Variants in GLI3 observed in about 807,000 individuals in gnomAD.
GLI3 encodes the protein transcription activator GLI3.
In GLI3, 20 loss-of-function variants were observed where a neutral mutation model predicts 100.8. The ratio of observed to expected loss-of-function variants is 0.20; its 90% CI spans 0.14 to 0.29. The LOEUF (loss-of-function observed/expected upper bound fraction) is 0.29. GLI3 is among the 10% of genes least tolerant of loss of function. The pLI, the probability that GLI3 is intolerant of heterozygous loss-of-function variation, is 1.00. For synonymous variants in GLI3, 938 were observed against 860.5 expected (o/e 1.09, Z -1.58); for missense variants, 2,040 against 2,128.5 (o/e 0.96, Z 0.82).
chr7:42,071,040 A>T (rs1784774512), intron 4 of GLI3, among the ~76,000 whole-genome samples: 1 of 152,238 alleles, frequency 6.6e-6, no homozygotes, highest in South Asian at 2.1e-4. Flanking sequence ...AAACAAAAGA[A>T]AAATGATGGT....
intron 2 of GLI3, among the ~76,000 whole-genome samples, chr7:42,202,795 C>T (rs1409103756): frequency 6.6e-6 from 1 of 152,182 alleles, no homozygotes; most frequent in Non-Finnish European, 1.5e-5. Context: ...GGACGGGGGT[C>T]CCACTGACGT....
intron 5 of GLI3, among the ~76,000 whole-genome samples, 186 bp downstream of exon 5, chr7:42,048,305 A>G (rs1784285339): frequency 6.6e-6 from 1 of 152,118 alleles, no homozygotes; most frequent in Non-Finnish European, 1.5e-5. Context: ...GAAAATGGAG[A>G]TAATAACACC....
chr7:42,010,900 G>A (rs1201451318), intron 10 of GLI3, among the ~76,000 whole-genome samples: 1 of 152,138 alleles, frequency 6.6e-6, no homozygotes. Flanking sequence ...TCCACAACTA[G>A]GAGGGACCAC....
Position 42,032,976 on chromosome 7 carries a change from A to G in GLI3, c.1029-6564T>C, listed in dbSNP as rs1011413284. On this transcript the variant is annotated intron_variant, in intron 7 of 14. Coordinates refer to ENST00000395925, the MANE Select transcript of GLI3 (RefSeq NM_000168.6). ...GTAATCACAGTGCCAGGGTTTCTGC[A>G]CCAGCACACGATATATGTGGGGAAA... Among the ~76,000 whole-genome samples, 12 of 152,192 alleles carry G rather than the reference A, an allele frequency of 7.9e-5. No individual in the cohort carries two copies. In the East Asian group the frequency reaches 1.3e-3, roughly 17 times the overall value.
At chr7:42,148,130 AGCGC>A (rs199711555) in intron 3 of GLI3, 92 bp downstream of exon 3, 111 of 1,193,696 alleles carry the variant, frequency 9.3e-5, no homozygotes, top group Non-Finnish European at 1.1e-4. Context: ...AACTTCATAA[AGCGC>A]GCACACACAC....
At position 41,966,684 on chromosome 7, in the gene GLI3, C is replaced by T. The variant is rs1449442040; in HGVS notation, c.2432-43G>A. 1 of 1,606,198 alleles carries T rather than the reference C, an allele frequency of 6.2e-7. No individual in the cohort carries two copies. ...GAGAGACCATGCGGAGATGAATTCCCTTCGAGCATGACTTACACCAGGCAT... is the reference window on the plus strand; with the variant it reads ...GAGAGACCATGCGGAGATGAATTCCTTTCGAGCATGACTTACACCAGGCAT... On this transcript the variant is annotated intron_variant, in intron 14 of 14. Transcript: ENST00000395925. The surrounding 1 kb of genome is among the most constrained non-coding windows in gnomAD (Gnocchi z 5.8).
chr7:42,241,329 T>C (rs559707620), upstream of GLI3, among the ~76,000 whole-genome samples: 2 of 152,204 alleles, frequency 1.3e-5, no homozygotes, highest in Non-Finnish European at 2.9e-5. Flanking sequence ...GGATCCGATA[T>C]TCCCCTTGGC....
chr7:41,981,193 G>C (rs368101504), intron 10 of GLI3, among the ~76,000 whole-genome samples: 2 of 152,240 alleles, frequency 1.3e-5, no homozygotes, highest in Non-Finnish European at 2.9e-5. Flanking sequence ...ACGCATGGCA[G>C]GAGAGAACTG....
chr7:42,166,559 C>G (rs1251829643), intron 2 of GLI3, among the ~76,000 whole-genome samples: 2 of 151,550 alleles, frequency 1.3e-5, no homozygotes, highest in East Asian at 3.9e-4. Context: ...AAGCATAGCT[C>G]CAGTTGGGGG....
intron 2 of GLI3, among the ~76,000 whole-genome samples, chr7:42,182,717 TACAC>T (rs66997611): frequency 0.23 from 26,855 of 117,086 alleles, 3,683 homozygotes; most frequent in African/African-American, 0.37. Context: ...CACATATAAA[TACAC>T]ACACACACAC....
chr7:42,221,206 G>A (rs566555727), intron 2 of GLI3, among the ~76,000 whole-genome samples: 1 of 152,270 alleles, frequency 6.6e-6, no homozygotes, highest in South Asian at 2.1e-4. Context: ...GAATCATGAG[G>A]GAAACCCGAG....
intron 3 of GLI3, among the ~76,000 whole-genome samples, chr7:42,134,938 C>A (rs899850569): frequency 1.3e-5 from 2 of 152,004 alleles, no homozygotes; most frequent in African/African-American, 4.8e-5. Context: ...TTCTCAGAGT[C>A]CATAAATTTG....
At position 42,040,074 on chromosome 7, in the gene GLI3, C is replaced by T. The variant is rs754565420; in HGVS notation, c.992G>A (p.Ser331Asn). The change falls in exon 7 of 15, where the codon AGT becomes AAT. Residue 331 changes from serine to asparagine, a missense_variant. By Grantham distance (46) the Ser-to-Asn change is conservative. Transcript: ENST00000395925. ...LNNSRSSSSASGSYGHLSASA... is the reference protein window; with the variant it reads ...LNNSRSSSSANGSYGHLSASA... ...TGCAGATAAGTGACCATAGGAGCCACTTGCTGAAGAGCTGCTACGGGAATT... is the reference window on the plus strand; with the variant it reads ...TGCAGATAAGTGACCATAGGAGCCATTTGCTGAAGAGCTGCTACGGGAATT... The T allele has an allele frequency of 6.2e-6, 10 of 1,614,056 alleles. No homozygotes were observed. Among genetic ancestry groups the T allele is most frequent in the Non-Finnish European group, 8.5e-6 (10 of 1,179,898 alleles).
At chr7:42,216,964 T>C (rs1239566630) in intron 2 of GLI3, among the ~76,000 whole-genome samples, 1 of 152,186 alleles carries the variant, frequency 6.6e-6, no homozygotes, top group Admixed American at 6.6e-5. Flanking sequence ...ACTTTGAGCT[T>C]TATTCTACAA....
rs146329327 is a variant in GLI3 at position 42,251,341 on chromosome 7, A to T, written c.-43+12653T>A. Among the ~76,000 whole-genome samples the T allele has an allele frequency of 9.1e-4, 139 of 152,310 alleles. 1 individual carries two copies. The South Asian group carries it at 0.023, about 25-fold the overall frequency. Reference sequence around the variant, plus strand: ...CACACAACCTAGATCCCTTGCAAACACAGTTCCCAATAGGGTTCTTGCTCT... The same window carrying T: ...CACACAACCTAGATCCCTTGCAAACTCAGTTCCCAATAGGGTTCTTGCTCT... On this transcript the variant is annotated intron_variant, in intron 1 of 2. Coordinates refer to the GLI3 transcript ENST00000678978.
intron 2 of GLI3, among the ~76,000 whole-genome samples, chr7:42,220,171 A>G (rs1788458918): frequency 6.6e-6 from 1 of 152,126 alleles, no homozygotes; most frequent in Non-Finnish European, 1.5e-5. Flanking sequence ...CTCATTTTTA[A>G]TTGTTCAGTT....
At chr7:42,037,307 G>C (rs1784034093) in intron 7 of GLI3, among the ~76,000 whole-genome samples, 2 of 152,196 alleles carry the variant, frequency 1.3e-5, no homozygotes, top group African/African-American at 4.8e-5. Flanking sequence ...TGTTGAGAAA[G>C]TTAGTTACCT....
chr7:42,013,532 T>C (rs1430338502), intron 10 of GLI3, among the ~76,000 whole-genome samples: 1 of 152,030 alleles, frequency 6.6e-6, no homozygotes, highest in Non-Finnish European at 1.5e-5. Flanking sequence ...TTCGGCTAAA[T>C]TAGTATTATT....
rs543974032 is a variant in GLI3, at chr7:42,090,622, A to G, written c.368-13765T>C. On this transcript the variant is annotated intron_variant, in intron 3 of 14. Coordinates refer to ENST00000395925, the MANE Select transcript of GLI3 (RefSeq NM_000168.6). ...TCTTGCCCTCAAGCATTCTCTGATCATAAGACCCAGGAAGAGTCCTCCATA... is the reference window on the plus strand; with the variant it reads ...TCTTGCCCTCAAGCATTCTCTGATCGTAAGACCCAGGAAGAGTCCTCCATA... Among the ~76,000 whole-genome samples, 5 of 152,342 alleles carry G rather than the reference A, an allele frequency of 3.3e-5. No homozygotes were observed. In the East Asian group the frequency reaches 7.7e-4, roughly 23 times the overall value.
Sources: gnomAD v4.1 joint callset for allele counts (sites outside exome capture counted in the v4.1 genomes callset) on GRCh38, gnomAD v4.1.1 for gene constraint, Gnocchi (gnomAD v3.1) non-coding constraint, MANE v1.5 for transcripts, NCBI Gene and HGNC (gene_info 2026-07-23, HGNC 2026-07-21) for gene names.